The following CNOT3 variants were observed in gnomAD, a reference collection of about 807,000 sequenced individuals.
The protein encoded by CNOT3 is CCR4-associated factor 3.
In CNOT3, 2 loss-of-function variants were observed where a neutral mutation model predicts 89.4. The observed-to-expected ratio is 0.02, with a 90% CI of 0.01 to 0.07. The LOEUF is 0.07. CNOT3 is among the 10% of genes least tolerant of loss of function. The probability of loss-of-function intolerance (pLI) is 1.00; values close to 1 mark genes in which losing one functional copy is unlikely to be tolerated. For missense variants in CNOT3, 664 were observed against 1,010.2 expected (o/e 0.66, Z 4.65); for synonymous variants, 486 against 402.0 (o/e 1.21, Z -2.50).
rs1600453769 is a variant in CNOT3, at chr19:54,148,414, G to A, written c.1161G>A (p.Gln387=). The change falls in exon 11 of 18, where the codon CAG becomes CAA. Residue 387 remains glutamine, a synonymous_variant. Transcript: ENST00000221232. The surrounding 1 kb of genome is among the most constrained non-coding windows in gnomAD (Gnocchi z 6.3). Reference sequence around the variant, plus strand: ...CTCCCAGTGGGCCCAGCACGACCCAGCCCCGGCCCCCCAGCGTCCAGCCTA... The same window carrying A: ...CTCCCAGTGGGCCCAGCACGACCCAACCCCGGCCCCCCAGCGTCCAGCCTA... ...PPAPSGPSTT[Q]PRPPSVQPSG... is the part of the protein sequence containing the mutation. 1.9e-6 allele frequency: 3 copies of A among 1,564,834 alleles called. No individual in the cohort carries two copies. The highest frequency in any genetic ancestry group is 2.6e-6 in the Non-Finnish European group (3 of 1,153,740).
chr19:54,148,753 T>G lies in CNOT3; in HGVS notation c.1406+10T>G, dbSNP rs1388695513. ...CACCTCCCAGCACCTCGTGAGTGTC[T>G]CGGCCATCGGCAGGGTTGGGATGGC... On this transcript the variant is annotated intron_variant, in intron 12 of 17. Transcript: ENST00000221232. The surrounding 1 kb of genome is among the most constrained non-coding windows in gnomAD (Gnocchi z 6.3). 6.2e-7 allele frequency: 1 copy of G among 1,609,340 alleles called. No individual in the cohort carries two copies. The highest frequency in any genetic ancestry group is 1.3e-5 in the African/African-American group (1 of 74,794).
chr19:54,143,013 T>C lies in CNOT3; in HGVS notation c.25+10T>C, dbSNP rs752832862. 6.2e-7 allele frequency: 1 copy of C among 1,614,074 alleles called. No individual in the cohort carries two copies. Among genetic ancestry groups the C allele is most frequent in the Admixed American group, 1.7e-5 (1 of 60,030 alleles). Reference sequence around the variant, plus strand: ...AAGCGCAAACTCCAAGGTACTAGACTGACTTCCTGCTGCACCTGTAGCCAC... The same window carrying C: ...AAGCGCAAACTCCAAGGTACTAGACCGACTTCCTGCTGCACCTGTAGCCAC... On this transcript the variant is annotated intron_variant, in intron 2 of 17. Coordinates refer to ENST00000221232, the MANE Select transcript of CNOT3 (RefSeq NM_014516.4).
At chr19:54,149,448 T>C (rs913058075) in intron 12 of CNOT3, 112 bp from the exon 13 acceptor site, 53 of 605,204 alleles carry the variant, frequency 8.8e-5, no homozygotes, top group African/African-American at 8.7e-4. Flanking sequence ...CACCTGCCCC[T>C]CTCAGATCCC....
At chr19:54,146,507 T>C (rs1372557589) in intron 9 of CNOT3, 94 bp from the exon 10 acceptor site, 1 of 768,188 alleles carries the variant, frequency 1.3e-6, no homozygotes, top group South Asian at 1.4e-5. Flanking sequence ...TGGCAGTCAA[T>C]TGGGCCCAGG....
At chr19:54,146,801 G>A (rs1190307798) in intron 10 of CNOT3, 144 bp downstream of exon 10, 3 of 685,336 alleles carry the variant, frequency 4.4e-6, no homozygotes, top group Non-Finnish European at 8.1e-6. Context: ...AGGGCAGGTG[G>A]GCAGGGCAAG....
chr19:54,143,912 T>C (rs1290897549), intron 5 of CNOT3, 94 bp from the exon 6 acceptor site: 8 of 1,537,120 alleles, frequency 5.2e-6, no homozygotes, highest in Non-Finnish European at 7.0e-6. Context: ...GCTCAGAAAG[T>C]AGGGTCACGA....
At chr19:54,151,766 C>T (rs1200728198) in intron 13 of CNOT3, among the ~76,000 whole-genome samples, 1 of 152,192 alleles carries the variant, frequency 6.6e-6, no homozygotes, top group Non-Finnish European at 1.5e-5. Context: ...ACCCCGATTC[C>T]AGTCACCCCA....
rs370742237 is a variant in CNOT3, at chr19:54,146,094, C to T, written c.837+51C>T. The T allele has an allele frequency of 1.4e-5, 23 of 1,596,758 alleles. No homozygotes were observed. In the Admixed American group the frequency reaches 1.5e-4, roughly 10 times the overall value. On this transcript the variant is annotated intron_variant, in intron 9 of 17. Coordinates refer to ENST00000221232, the MANE Select transcript of CNOT3 (RefSeq NM_014516.4). ...CTTGTGTTTCCAGCAGGGCAGGACT[C>T]GAGGAGACAAATCTGGGTCACTCCA...
chr19:54,152,150 C>T lies in CNOT3; in HGVS notation c.1606-76C>T, dbSNP rs587653196. ...GGCCCCCAAACAGGGCAGGTGAGAG[C>T]ATCTGGGGCCTGTGTCAGGCTGCAC... On this transcript the variant is annotated intron_variant, in intron 13 of 17. Coordinates refer to ENST00000221232, the MANE Select transcript of CNOT3 (RefSeq NM_014516.4). 1.4e-4 allele frequency: 211 copies of T among 1,507,824 alleles called. No individual in the cohort carries two copies. The South Asian group carries it at 2.2e-3, about 16-fold the overall frequency. 93.4% of individuals were successfully genotyped at this position (1,507,824 alleles called of 1,614,324 possible).
In CNOT3 at chr19:54,148,840, C is replaced by A. The variant is rs756553929; in HGVS notation, c.1406+97C>A. 3 of 1,098,256 alleles carry A rather than the reference C, an allele frequency of 2.7e-6. No homozygotes were observed. The highest frequency in any genetic ancestry group is 2.7e-5 in the Admixed American group (1 of 37,632). 68.0% of individuals were successfully genotyped at this position (1,098,256 alleles called of 1,614,324 possible). On this transcript the variant is annotated intron_variant, in intron 12 of 17. Transcript: ENST00000221232. The surrounding 1 kb of genome is among the most constrained non-coding windows in gnomAD (Gnocchi z 6.3). ...CCGCATCGGTGGGTTCTGAACCCCC[C>A]GCCCTTGCTGCTGGGAATGGCCAAG...
Position 54,144,222 on chromosome 19 carries a change from C to T in CNOT3, c.388-15C>T. The stretch of plus-strand genomic sequence containing the variant: ...ACCCTAGCTGATGGGCTTCCTCTTC[C>T]TCTCCCTCCCCTAGAATACCATCGA... On this transcript the variant is annotated splice_polypyrimidine_tract_variant and intron_variant, in intron 6 of 17. Coordinates refer to ENST00000221232, the MANE Select transcript of CNOT3 (RefSeq NM_014516.4). The surrounding 1 kb of genome is among the most constrained non-coding windows in gnomAD (Gnocchi z 4.8). 6.2e-7 allele frequency: 1 copy of T among 1,613,786 alleles called. No homozygotes were observed. The highest frequency in any genetic ancestry group is 8.5e-7 in the Non-Finnish European group (1 of 1,179,704).
At position 54,145,765 on chromosome 19, in the gene CNOT3, C is replaced by T. The variant is rs34936413; in HGVS notation, c.651C>T (p.Pro217=). Reference sequence around the variant, plus strand: ...ACTATGTTGACTCATCCCAGGACCCCGACTTCGAGGAGAACGAGTTTCTCT... The same window carrying T: ...ACTATGTTGACTCATCCCAGGACCCTGACTTCGAGGAGAACGAGTTTCTCT... The part of the protein sequence containing the change: ...VEYYVDSSQD[P]DFEENEFLYD... Residue 217 remains proline, a synonymous_variant, in exon 8 of 18, where the codon CCC becomes CCT. Transcript: ENST00000221232. This position sits in a 1 kb window ranked among gnomAD's most constrained non-coding sequence, Gnocchi z 5.9. 1.1e-4 allele frequency: 183 copies of T among 1,613,878 alleles called. No homozygotes were observed. The African/African-American group carries it at 1.9e-3, about 17-fold the overall frequency.
chr19:54,139,569 G>T (rs1391812507), intron 1 of CNOT3, among the ~76,000 whole-genome samples: 1 of 152,222 alleles, frequency 6.6e-6, no homozygotes, highest in East Asian at 1.9e-4. Context: ...TGCCATCCTT[G>T]GTATTGGTAT....
chr19:54,147,932 G>A (rs1443180834), intron 10 of CNOT3, among the ~76,000 whole-genome samples: 5 of 152,168 alleles, frequency 3.3e-5, no homozygotes, highest in Non-Finnish European at 7.4e-5. Context: ...TGGGAAGCTG[G>A]GCAGGCTGGA....
intron 1 of CNOT3, among the ~76,000 whole-genome samples, chr19:54,139,037 G>A (rs587608732): frequency 1.3e-5 from 2 of 152,296 alleles, no homozygotes; most frequent in African/African-American, 4.8e-5. Flanking sequence ...ATCCCCTGGC[G>A]CTCAGGTGCC....
chr19:54,150,802 C>CT (rs1330709646), intron 13 of CNOT3, among the ~76,000 whole-genome samples: 1 of 138,894 alleles, frequency 7.2e-6, no homozygotes, highest in African/African-American at 2.7e-5. Context: ...TTTTTTTTTT[C>CT]TTTTTTGAGA....
intron 9 of CNOT3, 57 bp downstream of exon 9, chr19:54,146,100 G>T: frequency 6.3e-7 from 1 of 1,591,958 alleles, no homozygotes. Flanking sequence ...GACTCGAGGA[G>T]ACAAATCTGG....
rs756553929 is a variant in CNOT3 at position 54,148,840 on chromosome 19, C to G, written c.1406+97C>G. On this transcript the variant is annotated intron_variant, in intron 12 of 17. Coordinates refer to ENST00000221232, the MANE Select transcript of CNOT3 (RefSeq NM_014516.4). The surrounding 1 kb of genome is among the most constrained non-coding windows in gnomAD (Gnocchi z 6.3). ...CCGCATCGGTGGGTTCTGAACCCCC[C>G]GCCCTTGCTGCTGGGAATGGCCAAG... 7 of 1,098,378 alleles carry G rather than the reference C, an allele frequency of 6.4e-6. No individual in the cohort carries two copies. The highest frequency in any genetic ancestry group is 9.1e-6 in the Non-Finnish European group (7 of 773,012). The allele number at this position is 1,098,378 out of a possible 1,614,324, so 68.0% of individuals were successfully genotyped here. A position where few individuals can be genotyped will look rare whatever the true frequency, so the allele number is the denominator to read the frequency against.
intron 13 of CNOT3, among the ~76,000 whole-genome samples, chr19:54,151,218 C>T (rs889725798): frequency 2.0e-5 from 3 of 152,094 alleles, no homozygotes; most frequent in African/African-American, 4.8e-5. Flanking sequence ...AAAAATGAAT[C>T]GCTGGGGTGG....
Sources: gnomAD v4.1 joint callset for allele counts (sites outside exome capture counted in the v4.1 genomes callset) on GRCh38, gnomAD v4.1.1 for gene constraint, Gnocchi (gnomAD v3.1) non-coding constraint, MANE v1.5 for transcripts, NCBI Gene and HGNC (gene_info 2026-07-23, HGNC 2026-07-21) for gene names.